The following CACNA1A variants were observed in gnomAD, a reference collection of about 807,000 sequenced individuals.
CACNA1A encodes the protein calcium voltage-gated channel subunit alpha1 A.
CACNA1A carries 57 observed loss-of-function variants against 262.4 expected under a neutral mutation model. That is an observed-to-expected ratio of 0.22 (90% CI 0.18 to 0.27). The LOEUF (loss-of-function observed/expected upper bound fraction) is 0.27, where lower values mean the gene tolerates loss of function less well. CACNA1A is among the 10% of genes least tolerant of loss of function. The pLI is 1.00. For synonymous variants in CACNA1A, 1,431 were observed against 1,419.3 expected, an observed-to-expected ratio of 1.01 and a Z score of -0.18; for missense variants, 2,526 against 3,562.8, an observed-to-expected ratio of 0.71 and a Z score of 7.41.
Position 13,288,217 on chromosome 19 carries a change from TTTTC to T in CACNA1A, c.3090-1255_3090-1252del, listed in dbSNP as rs1311666427. ...TGATAAATGAATACCCCCATTTTCTTTTTCTTTCTTTCTTTTTCTTTTTTCTTTT... is the reference window on the plus strand; with the variant it reads ...TGATAAATGAATACCCCCATTTTCTTTTTCTTTCTTTTTCTTTTTTCTTTT... On this transcript the variant is annotated intron_variant, in intron 19 of 46. Transcript: ENST00000360228. Among the ~76,000 whole-genome samples the T allele has an allele frequency of 9.9e-5, 15 of 151,160 alleles. No individual in the cohort carries two copies. The East Asian group carries it at 2.0e-3, about 20-fold the overall frequency.
intron 38 of CACNA1A, among the ~76,000 whole-genome samples, chr19:13,220,343 T>A (rs1391043932): frequency 6.6e-6 from 1 of 152,104 alleles, no homozygotes; most frequent in Non-Finnish European, 1.5e-5. Flanking sequence ...AGGTGAGCCC[T>A]TGAAAAGCAC....
At chr19:13,270,765 G>A (rs1310105906) in intron 24 of CACNA1A, among the ~76,000 whole-genome samples, 1 of 152,198 alleles carries the variant, frequency 6.6e-6, no homozygotes, top group Non-Finnish European at 1.5e-5. Context: ...GGAGGGTGTG[G>A]TAGGCGTGAG....
chr19:13,265,056 G>A (rs1208683561), intron 24 of CACNA1A, among the ~76,000 whole-genome samples: 1 of 151,970 alleles, frequency 6.6e-6, no homozygotes, highest in Non-Finnish European at 1.5e-5. Context: ...TGTATTTTCA[G>A]TAGAGACAGG....
intron 3 of CACNA1A, among the ~76,000 whole-genome samples, chr19:13,419,737 T>C (rs2060284877): frequency 6.6e-6 from 1 of 151,956 alleles, no homozygotes; most frequent in Non-Finnish European, 1.5e-5. Context: ...GATTTTGTTA[T>C]CTAATTAGAC....
intron 3 of CACNA1A, among the ~76,000 whole-genome samples, chr19:13,408,575 C>G (rs998929371): frequency 6.6e-6 from 1 of 152,208 alleles, no homozygotes; most frequent in Non-Finnish European, 1.5e-5. Flanking sequence ...TCAGATTATA[C>G]CACTGTGTGT....
chr19:13,295,142 C>G (rs1445900932), intron 19 of CACNA1A, among the ~76,000 whole-genome samples: 2 of 152,228 alleles, frequency 1.3e-5, no homozygotes, highest in African/African-American at 4.8e-5. Context: ...ACTGAACTCA[C>G]AGCATGAGCT....
Position 13,282,071 on chromosome 19 carries a change from C to A in CACNA1A, c.3822+1196G>T. ...AACCAGGCTGCGGGAAGCAACTAAG[C>A]GGACTGTGAGGAGGCTGAGCACTGG... On this transcript the variant is annotated intron_variant, in intron 22 of 46. Coordinates refer to ENST00000360228, the MANE Select transcript of CACNA1A (RefSeq NM_001127222.2). 1.3e-5 allele frequency among the ~76,000 whole-genome samples: 2 copies of A among 152,218 alleles called. 1 individual carries two copies. Among genetic ancestry groups the A allele is most frequent in the Non-Finnish European group, 2.9e-5 (2 of 68,042 alleles).
chr19:13,258,881 T>A (rs1274683798), intron 27 of CACNA1A: 1 of 152,084 alleles, frequency 6.6e-6, no homozygotes, highest in African/African-American at 2.4e-5. Context: ...TCCAATATTT[T>A]AAAAAATCAA....
At chr19:13,310,652 G>A (rs917401749) in intron 12 of CACNA1A, among the ~76,000 whole-genome samples, 1 of 150,688 alleles carries the variant, frequency 6.6e-6, no homozygotes, top group Admixed American at 6.6e-5. Flanking sequence ...TGTGGCTGCT[G>A]TTGGTGGACT....
chr19:13,312,252 G>C (rs994220926), intron 12 of CACNA1A, among the ~76,000 whole-genome samples: 2 of 152,232 alleles, frequency 1.3e-5, no homozygotes, highest in Non-Finnish European at 2.9e-5. Context: ...ATGCCAGGGT[G>C]TTGTAATCTA....
intron 6 of CACNA1A, among the ~76,000 whole-genome samples, chr19:13,355,556 T>C (rs2058993943): frequency 6.6e-6 from 1 of 152,146 alleles, no homozygotes; most frequent in South Asian, 2.1e-4. Context: ...ACTGGAGAGA[T>C]GCAGGGCAGA....
At chr19:13,405,283 C>G (rs2059983836) in intron 3 of CACNA1A, among the ~76,000 whole-genome samples, 2 of 152,088 alleles carry the variant, frequency 1.3e-5, no homozygotes, top group South Asian at 4.2e-4. Flanking sequence ...GCCTCAACTT[C>G]CTGGGCTCAA....
chr19:13,402,387 G>A (rs1325170779), intron 3 of CACNA1A, among the ~76,000 whole-genome samples: 2 of 152,092 alleles, frequency 1.3e-5, no homozygotes, highest in Non-Finnish European at 2.9e-5. Context: ...GACTTGGGGG[G>A]AAGAGTAGGA....
At chr19:13,291,510 A>T (rs2057537365) in intron 19 of CACNA1A, among the ~76,000 whole-genome samples, 1 of 151,872 alleles carries the variant, frequency 6.6e-6, no homozygotes. Context: ...CAAAGCTTTA[A>T]TGGGGCAGCT....
chr19:13,294,293 G>C (rs8111576), intron 19 of CACNA1A, among the ~76,000 whole-genome samples: 28,348 of 151,088 alleles, frequency 0.19, 3,036 homozygotes, highest in East Asian at 0.34. Context: ...CCTGTGTGAG[G>C]AGCACTAGAA....
chr19:13,404,128 T>A (rs2059958880), intron 3 of CACNA1A, among the ~76,000 whole-genome samples: 1 of 152,028 alleles, frequency 6.6e-6, no homozygotes, highest in Admixed American at 6.6e-5. Context: ...ATTTGTAAAG[T>A]GCTCAGAACA....
In CACNA1A at chr19:13,277,132, T is replaced by C. The variant is rs2057169990; in HGVS notation, c.3823-4A>G. ...CGTAGTCAAAGTATCGCAGCACCTG[T>C]AAGGGATAAAAGCAAGAGAGCAGTG... is the stretch of plus-strand genomic sequence containing the variant. On this transcript the variant is annotated splice_region_variant and splice_polypyrimidine_tract_variant and intron_variant, in intron 22 of 46. Transcript: ENST00000360228. 1 of 1,609,422 alleles carries C rather than the reference T, an allele frequency of 6.2e-7. No individual in the cohort carries two copies. The highest frequency in any genetic ancestry group is 8.5e-7 in the Non-Finnish European group (1 of 1,176,110).
chr19:13,277,177 C>A, intron 22 of CACNA1A, 49 bp from the exon 23 acceptor site: 3 of 1,358,274 alleles, frequency 2.2e-6, no homozygotes, highest in Non-Finnish European at 2.1e-6. Context: ...CCTGTTCCAG[C>A]AGAGCCCCGG....
intron 3 of CACNA1A, among the ~76,000 whole-genome samples, chr19:13,432,103 C>CAAAAAAA (rs71170513): frequency 1.2e-3 from 80 of 64,386 alleles, no homozygotes; most frequent in African/African-American, 4.0e-3. Flanking sequence ...GACTCCGTCT[C>CAAAAAAA]AAAAAAAAAA....
Sources: gnomAD v4.1 joint callset for allele counts (sites outside exome capture counted in the v4.1 genomes callset) on GRCh38, gnomAD v4.1.1 for gene constraint, MANE v1.5 for transcripts, NCBI Gene and HGNC (gene_info 2026-07-23, HGNC 2026-07-21) for gene names.